Variants in LOC400499 observed in about 807,000 individuals in gnomAD.
chr16:11,488,997 G>A, the LOC400499 span: 1 of 395,876 alleles, frequency 2.5e-6, no homozygotes, highest in Admixed American at 4.4e-5. Context: ...CTTCTCAGGA[G>A]TCTGGCTACA....
chr16:11,390,794 G>A, the LOC400499 span, among the ~76,000 whole-genome samples: 2 of 152,142 alleles, frequency 1.3e-5, no homozygotes, highest in Non-Finnish European at 2.9e-5. Flanking sequence ...TGCTTCCTAG[G>A]AGTCTGACAG....
chr16:11,475,109 T>C, the LOC400499 span, among the ~76,000 whole-genome samples: 1 of 152,274 alleles, frequency 6.6e-6, no homozygotes, highest in Non-Finnish European at 1.5e-5. Context: ...CCCTTGCAGC[T>C]TGTGGATTCA....
At chr16:11,464,751 G>T in the LOC400499 span, among the ~76,000 whole-genome samples, 2 of 152,212 alleles carry the variant, frequency 1.3e-5, no homozygotes, top group Non-Finnish European at 2.9e-5. Flanking sequence ...GGGGCAGACG[G>T]AACTAGAATT....
chr16:11,505,445 C>CTTTTTTTT, the LOC400499 span, among the ~76,000 whole-genome samples: 14 of 71,972 alleles, frequency 1.9e-4, no homozygotes, highest in East Asian at 3.9e-4. Flanking sequence ...TTTTTCTTTT[C>CTTTTTTTT]TTTTTTTTTT....
At chr16:11,501,224 C>CAT in the LOC400499 span, among the ~76,000 whole-genome samples, 538 of 151,382 alleles carry the variant, frequency 3.6e-3, 3 homozygotes, top group African/African-American at 0.012. Flanking sequence ...CAAGTCCGTA[C>CAT]CCAGTGCTCT....
the LOC400499 span, among the ~76,000 whole-genome samples, chr16:11,395,087 G>A: frequency 6.6e-6 from 1 of 152,252 alleles, no homozygotes; most frequent in Non-Finnish European, 1.5e-5. Flanking sequence ...TTGCCAGGCA[G>A]GTGGGGGCAG....
the LOC400499 span, among the ~76,000 whole-genome samples, chr16:11,412,003 C>T: frequency 2.0e-5 from 3 of 152,146 alleles, no homozygotes; most frequent in African/African-American, 7.2e-5. Context: ...GCTGGGACTA[C>T]AAGCATGCGT....
chr16:11,398,782 C>A, the LOC400499 span, among the ~76,000 whole-genome samples: 10,022 of 152,088 alleles, frequency 0.066, 405 homozygotes, highest in Middle Eastern at 0.12. Context: ...ACCTCAGCCT[C>A]CCAAATAGCT....
the LOC400499 span, among the ~76,000 whole-genome samples, chr16:11,520,773 G>A: frequency 7.9e-5 from 12 of 151,654 alleles, no homozygotes; most frequent in South Asian, 4.2e-4. Flanking sequence ...TCTGGTGATC[G>A]CTACGTAGGT....
the LOC400499 span, among the ~76,000 whole-genome samples, chr16:11,507,563 G>A: frequency 1.3e-5 from 2 of 152,186 alleles, no homozygotes; most frequent in Admixed American, 1.3e-4. Context: ...GAATTTCACT[G>A]AGATGATTAA....
At chr16:11,513,568 T>C in the LOC400499 span, among the ~76,000 whole-genome samples, 4 of 151,868 alleles carry the variant, frequency 2.6e-5, no homozygotes, top group South Asian at 8.3e-4. Flanking sequence ...GTAGCTGGAA[T>C]TACAGGCGCC....
At chr16:11,398,342 A>C in the LOC400499 span, 1 of 1,232,168 alleles carries the variant, frequency 8.1e-7, no homozygotes, top group Non-Finnish European at 1.0e-6. Context: ...TGCAGGGCAG[A>C]CTCACCCTGG....
chr16:11,405,918 G>A, the LOC400499 span, among the ~76,000 whole-genome samples: 2 of 152,100 alleles, frequency 1.3e-5, no homozygotes, highest in Admixed American at 6.6e-5. Flanking sequence ...CACCCACCCA[G>A]CTCCAGCCCA....
chr16:11,441,127 T>C, the LOC400499 span: 9 of 398,706 alleles, frequency 2.3e-5, no homozygotes, highest in Admixed American at 1.3e-4. Context: ...CCCATCTCTA[T>C]GTGCCTGCAG....
the LOC400499 span, among the ~76,000 whole-genome samples, chr16:11,402,443 G>A: frequency 6.6e-6 from 1 of 152,156 alleles, no homozygotes; most frequent in African/African-American, 2.4e-5. Context: ...CTTGAAGCTG[G>A]GCTGGCCTCG....
At chr16:11,494,652 C>T in the LOC400499 span, 1 of 399,324 alleles carries the variant, frequency 2.5e-6, no homozygotes, top group Non-Finnish European at 4.4e-6. Context: ...AGGGAGCCGA[C>T]TCCAGGCAGC....
the LOC400499 span, among the ~76,000 whole-genome samples, chr16:11,389,048 T>C: frequency 6.6e-6 from 1 of 152,080 alleles, no homozygotes; most frequent in African/African-American, 2.4e-5. Flanking sequence ...GATCACAGCA[T>C]TGTACTCCAG....
the LOC400499 span, among the ~76,000 whole-genome samples, chr16:11,410,981 C>A: frequency 7.6e-4 from 116 of 152,370 alleles, no homozygotes; most frequent in African/African-American, 2.7e-3. Context: ...TGCCAGGCGC[C>A]AGGCACTGGG....
chr16:11,506,374 T>C, the LOC400499 span, among the ~76,000 whole-genome samples: 22,834 of 152,168 alleles, frequency 0.15, 3,349 homozygotes, highest in African/African-American at 0.38. Flanking sequence ...CTGTGGGACA[T>C]CCGGAAGTCT....
Sources: allele counts gnomAD v4.1 joint callset (sites outside exome capture counted in the v4.1 genomes callset), GRCh38; gene constraint gnomAD v4.1.1; transcripts MANE v1.5.